Variants in PLEC observed in about 807,000 individuals in gnomAD.
PLEC encodes plectin, also known as hemidesmosomal protein 1.
In PLEC, 216 loss-of-function variants were observed where a neutral mutation model predicts 392.8. The ratio of observed to expected loss-of-function variants is 0.55; its 90% CI spans 0.49 to 0.62. The LOEUF is 0.62. Ranked by LOEUF, PLEC falls within the 20% of genes least tolerant of loss-of-function variation. The pLI, the probability that PLEC is intolerant of heterozygous loss-of-function variation, is 0.00. For synonymous variants in PLEC, 3,621 were observed against 2,980.6 expected (o/e 1.21, Z -7.00); for missense variants, 6,863 against 6,563.4 (o/e 1.05, Z -1.58).
intron 3 of PLEC, 88 bp downstream of exon 3, chr8:143,938,063 G>A: frequency 1.1e-6 from 1 of 912,682 alleles, no homozygotes. Flanking sequence ...AAGTAGAGTG[G>A]GCGGCCGGAG....
At chr8:143,943,287 C>T (rs1830845079), upstream of PLEC, among the ~76,000 whole-genome samples, 2 of 152,260 alleles carry the variant, frequency 1.3e-5, no homozygotes, top group Admixed American at 6.5e-5. Flanking sequence ...CGGTTGCCAC[C>T]TGGGACCACA....
At position 143,922,045 on chromosome 8, in the gene PLEC, C is replaced by T; in HGVS notation, c.7776G>A (p.Gln2592=). ...QQEELLAEEN[Q]RLREQLQLLE... ...GGAGCTGCAGCTGCTCACGCAGCCT[C>T]TGGTTCTCCTCAGCCAGCAGCTCCT... Residue 2592 remains glutamine, a synonymous_variant, in exon 32 of 32, where the codon CAG becomes CAA. Transcript: ENST00000345136. 6.3e-7 allele frequency: 1 copy of T among 1,594,822 alleles called. No homozygotes were observed. The highest frequency in any genetic ancestry group is 8.5e-7 in the Non-Finnish European group (1 of 1,178,506).
chr8:143,925,319 G>T lies in PLEC; in HGVS notation c.4610C>A (p.Ala1537Asp). The part of the protein sequence containing the change: ...AAREKQRALQ[A>D]LEELRLQAEE... ...CGCCTGCAGCCGCAGCTCCTCCAGGGCCTGCAGGGCCCGCTGCTTCTCGCG... is the reference window on the plus strand; with the variant it reads ...CGCCTGCAGCCGCAGCTCCTCCAGGTCCTGCAGGGCCCGCTGCTTCTCGCG... Residue 1537 changes from alanine to aspartate, a missense_variant, in exon 31 of 32, where the codon GCC becomes GAC. By Grantham distance (126) the Ala-to-Asp change is moderately radical (BLOSUM62 -2). Transcript: ENST00000345136. 1 of 1,563,642 alleles carries T rather than the reference G, an allele frequency of 6.4e-7. No individual in the cohort carries two copies. Among genetic ancestry groups the T allele is most frequent in the Non-Finnish European group, 8.6e-7 (1 of 1,163,006 alleles).
At position 143,915,960 on chromosome 8, in the gene PLEC, C is replaced by T. The variant is rs1586738470; in HGVS notation, c.*217G>A. 1.4e-5 allele frequency: 6 copies of T among 433,916 alleles called. No individual in the cohort carries two copies. The highest frequency in any genetic ancestry group is 8.1e-5 in the East Asian group (2 of 24,678). 26.9% of individuals were successfully genotyped at this position (433,916 alleles called of 1,614,324 possible). On this transcript the variant is annotated 3_prime_UTR_variant, in exon 32 of 32. Transcript: ENST00000345136. ...GCAGGTAGAAGGGAGTGAGGAGACC[C>T]GAGGGGGTGAGGCGGCCAGCAGGGC...
At chr8:143,953,930 A>T (rs1026887480), upstream of PLEC, 716 of 1,407,336 alleles carry the variant, frequency 5.1e-4, 1 homozygote, top group Admixed American at 8.8e-4. Flanking sequence ...TGCGCCGGAC[A>T]GGGCCGCCCC....
rs151244086 is a variant in PLEC at position 143,947,134 on chromosome 8, C to T, written c.523+3050G>A. On this transcript the variant is annotated intron_variant, in intron 1 of 31. Transcript: ENST00000322810. ...GCTGGCCGGGCCATAGTCCCTCCAC[C>T]TAGAGCACCCTGTGGCTGGGAAGAA... Among the ~76,000 whole-genome samples the T allele has an allele frequency of 2.3e-4, 35 of 152,350 alleles. 1 individual carries two copies. The East Asian group carries it at 6.8e-3, about 29-fold the overall frequency.
intron 12 of PLEC, 67 bp downstream of exon 12, chr8:143,933,931 G>A (rs1828151608): frequency 1.4e-6 from 2 of 1,408,982 alleles, no homozygotes; most frequent in South Asian, 1.2e-5. Flanking sequence ...CCTGGCTTTA[G>A]GGCTGCAGGG....
rs782525101 is a variant in PLEC at position 143,923,044 on chromosome 8, C to T, written c.6885G>A (p.Gln2295=). Residue 2295 remains glutamine, a synonymous_variant, in exon 31 of 32, where the codon CAG becomes CAA. Transcript: ENST00000345136. ...GCTGTGCCAGGTCCTCCTCTGCCAGCTGCCGCAGTCGCGCAGCCTCTTGGG... is the reference window on the plus strand; with the variant it reads ...GCTGTGCCAGGTCCTCCTCTGCCAGTTGCCGCAGTCGCGCAGCCTCTTGGG... ...VAAQEAARLR[Q]LAEEDLAQQR... is the part of the protein sequence containing the mutation. The T allele has an allele frequency of 1.2e-6, 2 of 1,611,076 alleles. No individual in the cohort carries two copies. Among genetic ancestry groups the T allele is most frequent in the African/African-American group, 1.3e-5 (1 of 74,914 alleles).
At chr8:143,933,912 C>T (rs1587118726) in intron 12 of PLEC, 86 bp downstream of exon 12, 1 of 1,212,620 alleles carries the variant, frequency 8.2e-7, no homozygotes, top group East Asian at 2.5e-5. Flanking sequence ...CCCAGGGGGA[C>T]AGCCCCCTCC....
chr8:143,939,310 C>T (rs573750328), intron 1 of PLEC, 40 bp downstream of exon 1: 34 of 1,589,476 alleles, frequency 2.1e-5, no homozygotes, highest in African/African-American at 2.0e-4. Context: ...CGCAGGGGCC[C>T]GCCCTGCCTG....
upstream of PLEC, chr8:143,958,655 C>A: frequency 2.2e-6 from 1 of 454,592 alleles, no homozygotes; most frequent in Non-Finnish European, 4.4e-6. This position sits in a 1 kb window ranked among gnomAD's most constrained non-coding sequence, Gnocchi z 4.9. Context: ...CCACCACAGC[C>A]CTGCCGCTGC....
At chr8:143,955,074 G>A (rs927218174), upstream of PLEC, among the ~76,000 whole-genome samples, 7 of 152,264 alleles carry the variant, frequency 4.6e-5, no homozygotes, top group Admixed American at 1.3e-4. Context: ...GGAGTCTCTC[G>A]TCCCCCTGCC....
At chr8:143,961,475 C>T (rs774353701) in intron 1 of PLEC, among the ~76,000 whole-genome samples, 3 of 152,198 alleles carry the variant, frequency 2.0e-5, no homozygotes, top group Non-Finnish European at 4.4e-5. Flanking sequence ...CTGCCCAACT[C>T]GGCCCCCCAA....
At chr8:143,953,123 G>A (rs1408794971), upstream of PLEC, among the ~76,000 whole-genome samples, 1 of 150,566 alleles carries the variant, frequency 6.6e-6, no homozygotes, top group Non-Finnish European at 1.5e-5. Flanking sequence ...CCCACCCTGT[G>A]GGAACCGAAG....
chr8:143,973,386 G>T lies in PLEC; in HGVS notation c.70+17C>A, dbSNP rs1345147732. 1.3e-6 allele frequency: 2 copies of T among 1,559,582 alleles called. No individual in the cohort carries two copies. The highest frequency in any genetic ancestry group is 8.7e-7 in the Non-Finnish European group (1 of 1,153,074). ...TGTCAGGAGCGGCCCGACAGGCAGC[G>T]GGACGGGGGGCCGTACCTTTGTACT... On this transcript the variant is annotated intron_variant, in intron 1 of 31. Transcript: ENST00000356346. The surrounding 1 kb of genome is among the most constrained non-coding windows in gnomAD (Gnocchi z 5.6).
At chr8:143,934,595 G>A (rs377397870) in intron 10 of PLEC, 40 bp downstream of exon 10, 29 of 1,603,468 alleles carry the variant, frequency 1.8e-5, no homozygotes, top group East Asian at 6.7e-5. Flanking sequence ...GGCCTGGGGC[G>A]TTCCAGGACA....
rs781894878 is a variant in PLEC at position 143,918,433 on chromosome 8, G to A, written c.11388C>T (p.Ala3796=). 2.5e-6 allele frequency: 4 copies of A among 1,579,674 alleles called. No homozygotes were observed. The highest frequency in any genetic ancestry group is 1.3e-5 in the African/African-American group (1 of 74,292). ...CCAGCTGGGCATCCAGCAGCCGCAG[G>A]GCCTCCTCAGTAGGGATCAGCTCCT... ...MKKELIPTEE[A]LRLLDAQLAT... The change falls in exon 32 of 32, where the codon GCC becomes GCT. Residue 3796 remains alanine, a synonymous_variant. Coordinates refer to ENST00000345136, the MANE Select transcript of PLEC (RefSeq NM_201384.3).
At position 143,917,484 on chromosome 8, in the gene PLEC, G is replaced by C; in HGVS notation, c.12337C>G (p.Gln4113Glu). The stretch of plus-strand genomic sequence containing the variant: ...AGCGGCAAGAGACACAGGCCCGTCT[G>C]GGGGTCAGTGATACAACGCTCCATC... The part of the protein sequence containing the change: ...QLMERCITDP[Q>E]TGLCLLPLKE... Residue 4113 changes from glutamine to glutamate, a missense_variant, in exon 32 of 32, where the codon CAG becomes GAG. Coordinates refer to ENST00000345136, the MANE Select transcript of PLEC (RefSeq NM_201384.3). The C allele has an allele frequency of 1.2e-6, 2 of 1,613,836 alleles. No homozygotes were observed. The highest frequency in any genetic ancestry group is 2.2e-5 in the South Asian group (2 of 91,074).
upstream of PLEC, among the ~76,000 whole-genome samples, chr8:143,942,026 C>T (rs1363326465): frequency 1.3e-5 from 2 of 152,156 alleles, no homozygotes; most frequent in African/African-American, 4.8e-5. Context: ...GGGAATCCCA[C>T]TGGCCCAGGA....
Sources: allele counts gnomAD v4.1 joint callset (sites outside exome capture counted in the v4.1 genomes callset), GRCh38; gene constraint gnomAD v4.1.1; non-coding constraint Gnocchi (gnomAD v3.1); transcripts MANE v1.5; gene names NCBI Gene and HGNC (gene_info 2026-07-23, HGNC 2026-07-21).